The following HDAC7 variants were observed in gnomAD, a reference collection of about 807,000 sequenced individuals.
HDAC7 encodes histone deacetylase 7, also known as histone deacetylase 7A.
In HDAC7, 26 loss-of-function variants were observed where a neutral mutation model predicts 115.5. That is an observed-to-expected ratio of 0.23 (90% confidence interval 0.16 to 0.31). The LOEUF (loss-of-function observed/expected upper bound fraction) is 0.31. Among genes scored for constraint, HDAC7 ranks in the 10% least tolerant of loss-of-function variants. The pLI is 1.00. For missense variants in HDAC7, 1,068 were observed against 1,329.0 expected (o/e 0.80, Z 3.05); for synonymous variants, 564 against 550.9 (o/e 1.02, Z -0.33).
rs952057315 is a variant in HDAC7, at chr12:47,803,382, C to T, written c.20-1108G>A. Among the ~76,000 whole-genome samples, 31 of 152,170 alleles carry T rather than the reference C, an allele frequency of 2.0e-4. No individual in the cohort carries two copies. Among genetic ancestry groups the T allele is most frequent in the African/African-American group, 6.0e-4 (25 of 41,432 alleles). On this transcript the variant is annotated intron_variant, in intron 1 of 25. Transcript: ENST00000080059. The surrounding 1 kb of genome is among the most constrained non-coding windows in gnomAD (Gnocchi z 4.0). The stretch of plus-strand genomic sequence containing the variant: ...GGCAGCCACAGTTCCTCTTCAGAGC[C>T]GAGAAATGAGAACTTCCTGCAGGCA...
intron 2 of HDAC7, among the ~76,000 whole-genome samples, chr12:47,799,345 C>T (rs1944052625): frequency 1.3e-5 from 2 of 152,178 alleles, no homozygotes; most frequent in East Asian, 1.9e-4. Context: ...CCTGCCTTCT[C>T]CCTCCCTTCA....
rs1482688797 is a variant in HDAC7 at position 47,795,883 on chromosome 12, G to A, written c.906+23C>T. ...AAGAAGCTGGGGGGGCTTGGAGTGGGGGTGGGCACCCCAGCCACTCACCCT... is the reference window on the plus strand; with the variant it reads ...AAGAAGCTGGGGGGGCTTGGAGTGGAGGTGGGCACCCCAGCCACTCACCCT... On this transcript the variant is annotated intron_variant, in intron 9 of 25. Coordinates refer to ENST00000080059, the MANE Select transcript of HDAC7 (RefSeq NM_015401.5). The surrounding 1 kb of genome is among the most constrained non-coding windows in gnomAD (Gnocchi z 4.3). The A allele has an allele frequency of 6.5e-7, 1 of 1,534,586 alleles. No homozygotes were observed. The highest frequency in any genetic ancestry group is 8.8e-7 in the Non-Finnish European group (1 of 1,136,028).
In HDAC7 at chr12:47,791,401, T is replaced by C. The variant is rs1355068407; in HGVS notation, c.1934-93A>G. The C allele has an allele frequency of 2.1e-6, 3 of 1,405,186 alleles. No individual in the cohort carries two copies. In the East Asian group the frequency reaches 7.5e-5, roughly 35 times the overall value. The allele number at this position is 1,405,186 out of a possible 1,614,324, so 87.0% of individuals were successfully genotyped here. A position where few individuals can be genotyped will look rare whatever the true frequency, so the allele number is the denominator to read the frequency against. ...AGCCCAGAGAGCAGGGCCGGGTGAG[T>C]ATTGGGGGAGAGAAATATGGAAGGG... On this transcript the variant is annotated intron_variant, in intron 15 of 25. Transcript: ENST00000080059.
At chr12:47,787,239 GC>G (rs35667397) in intron 21 of HDAC7, among the ~76,000 whole-genome samples, 3 of 53,088 alleles carry the variant, frequency 5.7e-5, no homozygotes, top group Non-Finnish European at 1.1e-4. Flanking sequence ...CCTCTTCCAG[GC>G]CCCCCCCCAG....
At chr12:47,806,216 G>A (rs1044261151) in intron 1 of HDAC7, among the ~76,000 whole-genome samples, 14 of 152,244 alleles carry the variant, frequency 9.2e-5, no homozygotes, top group Non-Finnish European at 1.3e-4. Flanking sequence ...ATGAAGTCTG[G>A]CAGGCCACAA....
intron 1 of HDAC7, among the ~76,000 whole-genome samples, chr12:47,816,216 C>T (rs997199633): frequency 5.3e-5 from 8 of 152,172 alleles, no homozygotes; most frequent in Non-Finnish European, 7.4e-5. Flanking sequence ...TTAACACATT[C>T]CCCAGGTGAC....
intron 1 of HDAC7, among the ~76,000 whole-genome samples, chr12:47,813,678 G>A (rs1360443634): frequency 9.2e-6 from 1 of 109,062 alleles, no homozygotes; most frequent in Non-Finnish European, 2.5e-5. Context: ...CCTTCCTGAC[G>A]AGGAGAAGTC....
Position 47,790,021 on chromosome 12 carries a change from G to A in HDAC7, c.1984-101C>T, listed in dbSNP as rs552566432. 1.2e-5 allele frequency: 10 copies of A among 850,296 alleles called. No homozygotes were observed. The East Asian group carries it at 2.5e-4, about 21-fold the overall frequency. 52.7% of individuals were successfully genotyped at this position (850,296 alleles called of 1,614,324 possible). On this transcript the variant is annotated intron_variant, in intron 16 of 25. Transcript: ENST00000080059. ...CCCCACGGCCAGGACCCCAGGGGCA[G>A]GGAGCTGGGCAGACAGTGCTGCCTC...
rs144643173 is a variant in HDAC7, at chr12:47,804,816, C to A, written c.20-2542G>T. On this transcript the variant is annotated intron_variant, in intron 1 of 25. Coordinates refer to ENST00000080059, the MANE Select transcript of HDAC7 (RefSeq NM_015401.5). ...CCCTCAGCAACCTCCAGAGTAAACA[C>A]AAACACAATTCTAAGCACCTGGAAC... Among the ~76,000 whole-genome samples, 433 of 152,246 alleles carry A rather than the reference C, an allele frequency of 2.8e-3. 3 individuals carry two copies. The highest frequency in any genetic ancestry group is 5.0e-3 in the Non-Finnish European group (339 of 68,016).
At chr12:47,806,502 G>A (rs766249226) in intron 1 of HDAC7, among the ~76,000 whole-genome samples, 3 of 152,092 alleles carry the variant, frequency 2.0e-5, no homozygotes, top group Non-Finnish European at 4.4e-5. Context: ...CAGCTTGGCC[G>A]ACATGGTGAA....
Position 47,795,239 on chromosome 12 carries a change from G to A in HDAC7, c.1229C>T (p.Pro410Leu), listed in dbSNP as rs531168904. 148 of 1,612,576 alleles carry A rather than the reference G, an allele frequency of 9.2e-5. No individual in the cohort carries two copies. The highest frequency in any genetic ancestry group is 1.1e-4 in the Non-Finnish European group (134 of 1,179,220). ...CTCCAGGCGGGGCTGCATGGGGCCC[G>A]GCGGTGGGGGAGCGGTGGCACTGGG... ...LPPSATAPPP[P>L]GPMQPRLEQL... is the part of the protein sequence containing the mutation. The change falls in exon 11 of 26, where the codon CCG (proline) becomes CTG (leucine). Residue 410 changes from proline (P) to leucine (L), a missense_variant. Physicochemically the swap from Pro to Leu is moderately conservative, Grantham distance 98. Transcript: ENST00000080059. This position sits in a 1 kb window ranked among gnomAD's most constrained non-coding sequence, Gnocchi z 4.3.
At chr12:47,791,506 G>T in intron 15 of HDAC7, 80 bp downstream of exon 15, 1 of 1,520,642 alleles carries the variant, frequency 6.6e-7, no homozygotes, top group Non-Finnish European at 8.9e-7. Flanking sequence ...GGCTGGCTGG[G>T]CGGGCAGAGC....
intron 18 of HDAC7, 50 bp downstream of exon 18, chr12:47,789,473 T>C (rs1186301488): frequency 6.2e-7 from 1 of 1,600,448 alleles, no homozygotes; most frequent in Non-Finnish European, 8.6e-7. Flanking sequence ...AGGAAGTTCC[T>C]GGGGGCTTGC....
In HDAC7 at chr12:47,791,134, T is replaced by C. The variant is rs370649167; in HGVS notation, c.1983+125A>G. The C allele has an allele frequency of 4.2e-4, 398 of 949,476 alleles. 5 individuals carry two copies. The East Asian group carries it at 6.7e-3, about 16-fold the overall frequency. 58.8% of individuals were successfully genotyped at this position (949,476 alleles called of 1,614,324 possible). On this transcript the variant is annotated intron_variant, in intron 16 of 25. Coordinates refer to ENST00000080059, the MANE Select transcript of HDAC7 (RefSeq NM_015401.5). ...TGCAGGGGGCACCTCAGGAAGTCCC[T>C]GGCTCACCCTGTCTGGCAGAACCAC...
Position 47,798,165 on chromosome 12 carries a change from T to C in HDAC7, c.404A>G (p.Lys135Arg). Residue 135 changes from lysine (K) to arginine (R), a missense_variant, in exon 5 of 26, where the codon AAA becomes AGA. Transcript: ENST00000080059. This position sits in a 1 kb window ranked among gnomAD's most constrained non-coding sequence, Gnocchi z 4.3. ...TGTTCTTTCTAGGGCCGCCTGCTGT[T>C]TTTTCAGAATCACCTCCGCTAGCTT... ...KQKLAEVILK[K>R]QQAALERTVH... 1 of 1,613,642 alleles carries C rather than the reference T, an allele frequency of 6.2e-7. No homozygotes were observed. Among genetic ancestry groups the C allele is most frequent in the Non-Finnish European group, 8.5e-7 (1 of 1,179,882 alleles).
At chr12:47,785,001 C>T (rs3815137) in intron 24 of HDAC7, 81,249 of 585,258 alleles carry the variant, frequency 0.14, 7,258 homozygotes, top group Admixed American at 0.36. Flanking sequence ...TCCCAAGACG[C>T]AGCCCCCAAG....
Position 47,798,907 on chromosome 12 carries a change from G to A in HDAC7, c.136C>T (p.Gln46Ter). ...GGTGGGGGCTCCACTGGGGGCCGCT[G>A]GCCCACCCGCAGGTCCATGGGCTGC... ...QPQPMDLRVGQRPPVEPPPEP... is the reference protein window; with the variant it reads ...QPQPMDLRVG The change falls in exon 3 of 26, where the codon CAG becomes TAG. Residue 46 changes from glutamine to a stop codon, truncating the protein, a stop_gained. Transcript: ENST00000080059. LOFTEE classifies it high-confidence loss of function. The surrounding 1 kb of genome is among the most constrained non-coding windows in gnomAD (Gnocchi z 4.3). The A allele has an allele frequency of 6.5e-7, 1 of 1,534,932 alleles. No individual in the cohort carries two copies. The highest frequency in any genetic ancestry group is 1.2e-5 in the South Asian group (1 of 80,582).
chr12:47,790,690 AGT>A (rs1231108476), intron 16 of HDAC7: 1 of 163,100 alleles, frequency 6.1e-6, no homozygotes, highest in Non-Finnish European at 1.4e-5. Flanking sequence ...CTGCAGGGAT[AGT>A]GTTAGGCGAG....
At position 47,787,612 on chromosome 12, in the gene HDAC7, G is replaced by C. The variant is rs1032606985; in HGVS notation, c.2453+100C>G. The C allele has an allele frequency of 1.6e-4, 117 of 750,462 alleles. 2 individuals carry two copies. Among genetic ancestry groups the C allele is most frequent in the Non-Finnish European group, 7.2e-5 (33 of 455,260 alleles). The allele number at this position is 750,462 out of a possible 1,614,324, so 46.5% of individuals were successfully genotyped here. On this transcript the variant is annotated intron_variant, in intron 21 of 25. Coordinates refer to ENST00000080059, the MANE Select transcript of HDAC7 (RefSeq NM_015401.5). ...ACCTACAATGTCTAGGAACTGGTGG[G>C]GACAGGCTGACAATCCAACTGATCA...
Sources: gnomAD v4.1 joint callset for allele counts (sites outside exome capture counted in the v4.1 genomes callset) on GRCh38, gnomAD v4.1.1 for gene constraint, Gnocchi (gnomAD v3.1) non-coding constraint, MANE v1.5 for transcripts, NCBI Gene and HGNC (gene_info 2026-07-23, HGNC 2026-07-21) for gene names.